The following ODAD2 variants were observed in gnomAD, a reference collection of about 807,000 sequenced individuals.
The protein encoded by ODAD2 is outer dynein arm docking complex subunit 2.
In ODAD2, 89 loss-of-function variants were observed where a neutral mutation model predicts 106.8. The observed-to-expected ratio is 0.83, with a 90% CI of 0.70 to 0.99. The LOEUF is 0.99. Among genes scored for constraint, ODAD2 ranks in the 50% least tolerant of loss-of-function variants. The probability of loss-of-function intolerance (pLI) is 0.00; values close to 1 mark genes in which losing one functional copy is unlikely to be tolerated. For missense variants in ODAD2, 1,168 were observed against 1,238.5 expected (o/e 0.94, Z 0.85); for synonymous variants, 404 against 436.2 (o/e 0.93, Z 0.92).
chr10:27,871,271 G>C (rs1840861224), intron 17 of ODAD2, among the ~76,000 whole-genome samples: 1 of 152,156 alleles, frequency 6.6e-6, no homozygotes, highest in Non-Finnish European at 1.5e-5. Flanking sequence ...TGTCAGATGA[G>C]TAGATTGCAA....
intron 19 of ODAD2, among the ~76,000 whole-genome samples, chr10:27,827,535 T>C (rs1239575232): frequency 6.6e-6 from 1 of 151,948 alleles, no homozygotes; most frequent in Non-Finnish European, 1.5e-5. Context: ...AAGTCAGACA[T>C]TTAGACATCA....
In ODAD2 at chr10:27,987,558, T is replaced by C. The variant is rs1448669531; in HGVS notation, c.225-15A>G. 6.3e-7 allele frequency: 1 copy of C among 1,592,058 alleles called. No homozygotes were observed. The highest frequency in any genetic ancestry group is 1.4e-5 in the African/African-American group (1 of 73,508). Reference sequence around the variant, plus strand: ...CTGTTGTTTCACTAAAAAATAAAAATAAAAAATTGAAAGCTTCATGCTACC... The same window carrying C: ...CTGTTGTTTCACTAAAAAATAAAAACAAAAAATTGAAAGCTTCATGCTACC... On this transcript the variant is annotated splice_polypyrimidine_tract_variant and intron_variant, in intron 2 of 19. Coordinates refer to ENST00000305242, the MANE Select transcript of ODAD2 (RefSeq NM_018076.5).
intron 17 of ODAD2, among the ~76,000 whole-genome samples, chr10:27,903,341 T>C (rs528509040): frequency 1.3e-5 from 2 of 152,282 alleles, no homozygotes; most frequent in South Asian, 4.1e-4. Context: ...ACAGCCAATA[T>C]CATACTGAAT....
intron 19 of ODAD2, among the ~76,000 whole-genome samples, chr10:27,847,237 G>C (rs4749269): frequency 0.54 from 81,366 of 152,036 alleles, 23,466 homozygotes; most frequent in Middle Eastern, 0.68. Flanking sequence ...GATCAAGTGG[G>C]CTTCATCACT....
At chr10:27,881,529 T>A (rs755263004) in intron 17 of ODAD2, among the ~76,000 whole-genome samples, 1 of 151,670 alleles carries the variant, frequency 6.6e-6, no homozygotes, top group Non-Finnish European at 1.5e-5. Context: ...CCCACTTACT[T>A]GGGAGGCTGA....
chr10:27,895,587 C>A (rs536566758), intron 17 of ODAD2, among the ~76,000 whole-genome samples: 110 of 152,284 alleles, frequency 7.2e-4, no homozygotes, highest in African/African-American at 2.6e-3. Context: ...CCACACCTGA[C>A]CTAAACTTTA....
At chr10:27,995,303 T>C (rs575581544) in intron 1 of ODAD2, 123 bp from the exon 2 acceptor site, 6 of 1,085,556 alleles carry the variant, frequency 5.5e-6, no homozygotes, top group Non-Finnish European at 7.7e-6. Context: ...CTTGGAAGAT[T>C]CTTTTAACAT....
chr10:27,822,898 T>C (rs1836722369), intron 19 of ODAD2, among the ~76,000 whole-genome samples: 5 of 152,180 alleles, frequency 3.3e-5, no homozygotes, highest in Admixed American at 2.6e-4. Context: ...TGGGTTTTCT[T>C]CCATGTTTCT....
chr10:27,888,170 A>G (rs1842353814), intron 17 of ODAD2, among the ~76,000 whole-genome samples: 1 of 152,136 alleles, frequency 6.6e-6, no homozygotes, highest in Non-Finnish European at 1.5e-5. Flanking sequence ...CCCTTTGGGT[A>G]GATACCCAGT....
intron 2 of ODAD2, among the ~76,000 whole-genome samples, chr10:27,990,799 T>C (rs1850186231): frequency 6.6e-6 from 1 of 152,206 alleles, no homozygotes; most frequent in South Asian, 2.1e-4. Context: ...AAGACAGCCA[T>C]TGCTCTGGTG....
chr10:27,843,218 G>T (rs2076071606), intron 19 of ODAD2, among the ~76,000 whole-genome samples: 1 of 152,116 alleles, frequency 6.6e-6, no homozygotes, highest in Non-Finnish European at 1.5e-5. Context: ...GTTTACTGTG[G>T]AGTACAAAGT....
At chr10:27,885,656 A>AATATAATAAAAT (rs1842088731) in intron 17 of ODAD2, among the ~76,000 whole-genome samples, 1 of 21,292 alleles carries the variant, frequency 4.7e-5, no homozygotes, top group Non-Finnish European at 1.1e-4. Flanking sequence ...TATTATATAT[A>AATATAATAAAAT]ATATATTATA....
At chr10:27,962,767 C>T (rs1240511535) in intron 9 of ODAD2, among the ~76,000 whole-genome samples, 4 of 152,072 alleles carry the variant, frequency 2.6e-5, no homozygotes, top group East Asian at 1.9e-4. Flanking sequence ...AGCTTGTCTC[C>T]GCCTCCCACC....
At position 27,971,170 on chromosome 10, in the gene ODAD2, C is replaced by T. The variant is rs1178039294; in HGVS notation, c.1080G>A (p.Arg360=). ...GTTCCCATCTCTTGGTCATTTGATT[C>T]CTCCAAAAATTAATTTGGTTCTTCT... ...SLEKNQINFW[R]NQMTKRWEPS... is the part of the protein sequence containing the mutation. Residue 360 remains arginine (R), a synonymous_variant, in exon 8 of 20, where the codon AGG becomes AGA. Coordinates refer to ENST00000305242, the MANE Select transcript of ODAD2 (RefSeq NM_018076.5). 1 of 1,613,886 alleles carries T rather than the reference C, an allele frequency of 6.2e-7. No homozygotes were observed. Among genetic ancestry groups the T allele is most frequent in the South Asian group, 1.1e-5 (1 of 91,074 alleles).
intron 7 of ODAD2, among the ~76,000 whole-genome samples, chr10:27,973,292 A>G (rs1848981644): frequency 6.6e-6 from 1 of 152,116 alleles, no homozygotes; most frequent in Non-Finnish European, 1.5e-5. Context: ...CCAGGAGTTC[A>G]ACACCAGCCT....
chr10:27,998,893 C>A, intron 1 of ODAD2, 101 bp downstream of exon 1: 1 of 153,066 alleles, frequency 6.5e-6, no homozygotes, highest in South Asian at 2.0e-4. Context: ...CGCCGGCGCC[C>A]TTGTGGGAGG....
At chr10:27,988,923 T>C (rs1041056310) in intron 2 of ODAD2, among the ~76,000 whole-genome samples, 9 of 152,014 alleles carry the variant, frequency 5.9e-5, no homozygotes, top group Non-Finnish European at 1.3e-4. Flanking sequence ...CCAAACATAA[T>C]CACCAGGGTT....
chr10:27,916,079 C>T (rs555007807), intron 16 of ODAD2, among the ~76,000 whole-genome samples: 82 of 152,124 alleles, frequency 5.4e-4, no homozygotes, highest in Middle Eastern at 3.4e-3. Context: ...CAACCCAACG[C>T]GGGAAGTCAG....
chr10:27,949,833 G>T (rs1222928006), intron 10 of ODAD2, among the ~76,000 whole-genome samples: 2 of 151,860 alleles, frequency 1.3e-5, no homozygotes, highest in Non-Finnish European at 2.9e-5. Flanking sequence ...AGGAGGGGAG[G>T]GTGACTCATC....
Sources: allele counts gnomAD v4.1 joint callset (sites outside exome capture counted in the v4.1 genomes callset), GRCh38; gene constraint gnomAD v4.1.1; transcripts MANE v1.5; gene names NCBI Gene and HGNC (gene_info 2026-07-23, HGNC 2026-07-21).